PTGS2: variants seen among roughly 807,000 people sequenced by gnomAD.
PTGS2 encodes prostaglandin-endoperoxide synthase 2.
PTGS2 carries 14 observed loss-of-function variants against 63.8 expected under a neutral mutation model. That is an observed-to-expected ratio of 0.22 (90% CI 0.14 to 0.34). The LOEUF is 0.34. Ranked by LOEUF, PTGS2 falls within the 10% of genes least tolerant of loss-of-function variation. The pLI is 1.00. For missense variants in PTGS2, 533 were observed against 738.5 expected (o/e 0.72, Z 3.23); for synonymous variants, 271 against 259.5 (o/e 1.04, Z -0.43).
chr1:186,677,681 C>A lies in PTGS2; in HGVS notation c.607G>T (p.Gly203Trp). The change falls in exon 5 of 10, where the codon GGG becomes TGG. Residue 203 changes from glycine to tryptophan, a missense_variant. Physicochemically the swap from Gly to Trp is radical, Grantham distance 184 (BLOSUM62 -2). Coordinates refer to ENST00000367468, the MANE Select transcript of PTGS2 (RefSeq NM_000963.4). ...CCCAGCCCGTTGGTGAAAGCTGGCC[C>A]TCGCTTATGATCTGTCTTGAAAAAC... ...HQFFKTDHKR[G>W]PAFTNGLGHG... is the part of the protein sequence containing the mutation. 1.2e-6 allele frequency: 2 copies of A among 1,612,662 alleles called. No individual in the cohort carries two copies. Among genetic ancestry groups the A allele is most frequent in the Non-Finnish European group, 1.7e-6 (2 of 1,179,460 alleles).
At position 186,672,144 on chromosome 1, in the gene PTGS2, T is replaced by G. The variant is rs917496771; in HGVS notation, c.*2209A>C. The G allele has an allele frequency of 2.0e-5, 3 of 152,046 alleles. No homozygotes were observed. 9.4% of individuals were successfully genotyped at this position (152,046 alleles called of 1,614,324 possible). On this transcript the variant is annotated 3_prime_UTR_variant, in exon 10 of 10. Coordinates refer to ENST00000367468, the MANE Select transcript of PTGS2 (RefSeq NM_000963.4). ...TTTCTCCCTCTTCCCAAAAGAAAAT[T>G]TTTTTCAATTATTTATATAAATACT... is the stretch of plus-strand genomic sequence containing the variant.
At chr1:186,675,518 CT>C (rs1665764192) in intron 8 of PTGS2, 122 bp from the exon 9 acceptor site, 1 of 1,131,994 alleles carries the variant, frequency 8.8e-7, no homozygotes, top group Admixed American at 3.0e-5. Context: ...TTTTTATTTG[CT>C]GGAAAGATGC....
At position 186,672,911 on chromosome 1, in the gene PTGS2, ATCT is replaced by A. The variant is rs1339865532; in HGVS notation, c.*1439_*1441del. On this transcript the variant is annotated 3_prime_UTR_variant, in exon 10 of 10. Transcript: ENST00000367468. ...AAAGGGCCTTTTTTTTTCTCTTTTA[ATCT>A]TCTTAAGAGGAGCTAAATAGCAGTC... 4 of 151,974 alleles carry A rather than the reference ATCT, an allele frequency of 2.6e-5. No individual in the cohort carries two copies. Among genetic ancestry groups the A allele is most frequent in the Non-Finnish European group, 4.4e-5 (3 of 67,956 alleles). 9.4% of individuals were successfully genotyped at this position (151,974 alleles called of 1,614,324 possible). A position where few individuals can be genotyped will look rare whatever the true frequency, so the allele number is the denominator to read the frequency against.
In PTGS2 at chr1:186,678,922, T is replaced by C. The variant is rs1571812056; in HGVS notation, c.313+136A>G. The stretch of plus-strand genomic sequence containing the variant: ...ATGTCAATATTTTTGGCGATTAAGA[T>C]GGAAGGCAAACTTAAAAGCTATCTT... On this transcript the variant is annotated intron_variant, in intron 3 of 9. Coordinates refer to ENST00000367468, the MANE Select transcript of PTGS2 (RefSeq NM_000963.4). 6.2e-6 allele frequency: 7 copies of C among 1,135,292 alleles called. No homozygotes were observed. In the East Asian group the frequency reaches 1.5e-4, roughly 25 times the overall value. 70.3% of individuals were successfully genotyped at this position (1,135,292 alleles called of 1,614,324 possible).
chr1:186,678,167 T>C lies in PTGS2; in HGVS notation c.457+94A>G, dbSNP rs530566547. 1.3e-4 allele frequency: 165 copies of C among 1,294,398 alleles called. 1 individual carries two copies. In the African/African-American group the frequency reaches 2.4e-3, roughly 19 times the overall value. The allele number at this position is 1,294,398 out of a possible 1,614,324, so 80.2% of individuals were successfully genotyped here. On this transcript the variant is annotated intron_variant, in intron 4 of 9. Coordinates refer to ENST00000367468, the MANE Select transcript of PTGS2 (RefSeq NM_000963.4). ...TAAAAGTAAAAACTGCTTTTGTTAA[T>C]AAATAAATGGTAGTCTAAGGTCAAT... is the stretch of plus-strand genomic sequence containing the variant.
At chr1:186,678,511 ACTCC>A in intron 3 of PTGS2, 107 bp from the exon 4 acceptor site, 1 of 1,040,206 alleles carries the variant, frequency 9.6e-7, no homozygotes, top group Non-Finnish European at 1.3e-6. Flanking sequence ...GTTGAATGTA[ACTCC>A]AAAATAAAAA....
chr1:186,671,990 T>C lies in PTGS2; in HGVS notation c.*2363A>G, dbSNP rs985486279. The C allele has an allele frequency of 1.3e-5, 2 of 151,986 alleles. No homozygotes were observed. Among genetic ancestry groups the C allele is most frequent in the Admixed American group, 1.3e-4 (2 of 15,256 alleles). The allele number at this position is 151,986 out of a possible 1,614,324, so 9.4% of individuals were successfully genotyped here. On this transcript the variant is annotated 3_prime_UTR_variant, in exon 10 of 10. Transcript: ENST00000367468. Reference sequence around the variant, plus strand: ...AATGTTAATAACAAATCAAGTTTTTTTTTTAAAAAAAACAGTGAACAGTGT... The same window carrying C: ...AATGTTAATAACAAATCAAGTTTTTCTTTTAAAAAAAACAGTGAACAGTGT...
chr1:186,675,863 A>G (rs892835155), intron 8 of PTGS2, 35 bp downstream of exon 8: 5 of 1,560,750 alleles, frequency 3.2e-6, no homozygotes, highest in Non-Finnish European at 4.4e-6. Flanking sequence ...GTTACTGACT[A>G]GTCTTTTGTT....
chr1:186,678,391 C>A lies in PTGS2; in HGVS notation c.327G>T (p.Leu109Phe). The change falls in exon 4 of 10, where the codon TTG becomes TTT. Residue 109 changes from leucine to phenylalanine, a missense_variant. Physicochemically the swap from Leu to Phe is conservative, Grantham distance 22. Around this residue, in one of 5 missense-constraint regions of PTGS2, gnomAD observed 118 missense variants for 144.6 expected, o/e 0.82. Coordinates refer to ENST00000367468, the MANE Select transcript of PTGS2 (RefSeq NM_000963.4). The part of the protein sequence containing the change: ...MSYVLTSRSH[L>F]IDSPPTYNAD... The stretch of plus-strand genomic sequence containing the variant: ...CATTGTAAGTTGGTGGACTGTCAAT[C>A]AAATGTGATCTGGCTGAAATTTTCA... 6.3e-7 allele frequency: 1 copy of A among 1,597,138 alleles called. No homozygotes were observed. Among genetic ancestry groups the A allele is most frequent in the South Asian group, 1.1e-5 (1 of 87,512 alleles).
intron 4 of PTGS2, 76 bp downstream of exon 4, chr1:186,678,185 A>G: frequency 7.1e-7 from 1 of 1,407,644 alleles, no homozygotes; most frequent in Non-Finnish European, 9.5e-7. Flanking sequence ...TGGTAGTCTA[A>G]GGTCAATTTT....
intron 7 of PTGS2, 103 bp downstream of exon 7, chr1:186,676,364 G>T: frequency 6.8e-7 from 1 of 1,480,700 alleles, no homozygotes; most frequent in Non-Finnish European, 9.2e-7. Flanking sequence ...GAATGTGTGA[G>T]TTTTCATTTA....
rs1424833975 is a variant in PTGS2, at chr1:186,672,941, T to C, written c.*1412A>G. Reference sequence around the variant, plus strand: ...CTTAAGAGGAGCTAAATAGCAGTCCTGAGCTGAGGTTTACCTGAAAACTTG... The same window carrying C: ...CTTAAGAGGAGCTAAATAGCAGTCCCGAGCTGAGGTTTACCTGAAAACTTG... On this transcript the variant is annotated 3_prime_UTR_variant, in exon 10 of 10. Transcript: ENST00000367468. 1 of 152,106 alleles carries C rather than the reference T, an allele frequency of 6.6e-6. No homozygotes were observed. The highest frequency in any genetic ancestry group is 1.5e-5 in the Non-Finnish European group (1 of 68,000). The allele number at this position is 152,106 out of a possible 1,614,324, so 9.4% of individuals were successfully genotyped here. A position where few individuals can be genotyped will look rare whatever the true frequency, so the allele number is the denominator to read the frequency against.
At position 186,676,512 on chromosome 1, in the gene PTGS2, A is replaced by G; in HGVS notation, c.925T>C (p.Trp309Arg). The G allele has an allele frequency of 1.9e-6, 3 of 1,614,146 alleles. No homozygotes were observed. Among genetic ancestry groups the G allele is most frequent in the Non-Finnish European group, 1.7e-6 (2 of 1,180,022 alleles). Residue 309 changes from tryptophan to arginine, a missense_variant, in exon 7 of 10, where the codon TGG (tryptophan) becomes CGG (arginine). By Grantham distance (101) the Trp-to-Arg change is moderately radical (BLOSUM62 -3). Around this residue, in one of 5 missense-constraint regions of PTGS2, gnomAD observed 67 missense variants for 152.6 expected, o/e 0.44. Coordinates refer to ENST00000367468, the MANE Select transcript of PTGS2 (RefSeq NM_000963.4). ...CDVLKQEHPE[W>R]GDEQLFQTSR... ...GTCTGGAACAACTGCTCATCACCCCATTCAGGATGCTCCTGTTTAAGCACA... is the reference window on the plus strand; with the variant it reads ...GTCTGGAACAACTGCTCATCACCCCGTTCAGGATGCTCCTGTTTAAGCACA...
chr1:186,679,462 A>C lies in PTGS2; in HGVS notation c.53-24T>G, dbSNP rs774749725. On this transcript the variant is annotated intron_variant, in intron 1 of 9. Coordinates refer to ENST00000367468, the MANE Select transcript of PTGS2 (RefSeq NM_000963.4). ...TGCTGCAATTAAAGGACAGCAAATA[A>C]ATCATTCTCTAGTGTCTTAATCTTA... 4 of 1,502,706 alleles carry C rather than the reference A, an allele frequency of 2.7e-6. No homozygotes were observed. In the South Asian group the frequency reaches 3.4e-5, roughly 13 times the overall value. 93.1% of individuals were successfully genotyped at this position (1,502,706 alleles called of 1,614,324 possible).
At position 186,680,261 on chromosome 1, in the gene PTGS2, C is replaced by G; in HGVS notation, c.30G>C (p.Ala10=). 1 of 1,546,528 alleles carries G rather than the reference C, an allele frequency of 6.5e-7. No individual in the cohort carries two copies. Among genetic ancestry groups the G allele is most frequent in the Non-Finnish European group, 8.7e-7 (1 of 1,145,030 alleles). ...CACCTGTATGGCTGAGCGCCAGGAC[C>G]GCGCACAGCAGCAGGGCGCGGGCGA... MLARALLLC[A]VLALSHTANP... The change falls in exon 1 of 10, where the codon GCG becomes GCC. Residue 10 remains alanine, a synonymous_variant. Coordinates refer to ENST00000367468, the MANE Select transcript of PTGS2 (RefSeq NM_000963.4).
rs1294334329 is a variant in PTGS2 at position 186,676,911 on chromosome 1, G to A, written c.645C>T (p.Asp215=). 3.7e-6 allele frequency: 6 copies of A among 1,602,618 alleles called. No homozygotes were observed. In the South Asian group the frequency reaches 4.5e-5, roughly 12 times the overall value. ...GAGTTTCACCGTAAATATGATTTAAGTCCACCTAGAAAATGATGAAAAAAT... is the reference window on the plus strand; with the variant it reads ...GAGTTTCACCGTAAATATGATTTAAATCCACCTAGAAAATGATGAAAAAAT... The part of the protein sequence containing the change: ...AFTNGLGHGV[D]LNHIYGETLA... The change falls in exon 6 of 10, where the codon GAC becomes GAT. Residue 215 remains aspartate, a synonymous_variant. Transcript: ENST00000367468.
rs1161144852 is a variant in PTGS2 at position 186,674,088 on chromosome 1, A to C, written c.*265T>G. The C allele has an allele frequency of 1.1e-5, 2 of 185,100 alleles. No homozygotes were observed. Among genetic ancestry groups the C allele is most frequent in the African/African-American group, 4.7e-5 (2 of 42,480 alleles). The allele number at this position is 185,100 out of a possible 1,614,324, so 11.5% of individuals were successfully genotyped here. A position where few individuals can be genotyped will look rare whatever the true frequency, so the allele number is the denominator to read the frequency against. On this transcript the variant is annotated 3_prime_UTR_variant, in exon 10 of 10. Transcript: ENST00000367468. ...TTTCGTTCTTATAATATAAGTTGAA[A>C]TTCAAGTAAAAAGACGTCAAAACTC...
At position 186,678,353 on chromosome 1, in the gene PTGS2, T is replaced by C; in HGVS notation, c.365A>G (p.Tyr122Cys). 1 of 1,613,686 alleles carries C rather than the reference T, an allele frequency of 6.2e-7. No homozygotes were observed. The highest frequency in any genetic ancestry group is 8.5e-7 in the Non-Finnish European group (1 of 1,179,696). ...SPPTYNADYG[Y>C]KSWEAFSNLS... Reference sequence around the variant, plus strand: ...GTTAGAGAAGGCTTCCCAGCTTTTGTAGCCATAGTCAGCATTGTAAGTTGG... The same window carrying C: ...GTTAGAGAAGGCTTCCCAGCTTTTGCAGCCATAGTCAGCATTGTAAGTTGG... The change falls in exon 4 of 10, where the codon TAC becomes TGC. Residue 122 changes from tyrosine to cysteine, a missense_variant. By Grantham distance (194) the Tyr-to-Cys change is radical. Transcript: ENST00000367468.
Position 186,672,076 on chromosome 1 carries a change from AAAG to A in PTGS2, c.*2274_*2276del, listed in dbSNP as rs1665698151. ...TTAAACATTCTAAACGTAAAATTGTAAAGAAGATTCTCCTGAGTTATCTTTAAT... is the reference window on the plus strand; with the variant it reads ...TTAAACATTCTAAACGTAAAATTGTAAAGATTCTCCTGAGTTATCTTTAAT... On this transcript the variant is annotated 3_prime_UTR_variant, in exon 10 of 10. Transcript: ENST00000367468. 1 of 152,076 alleles carries A rather than the reference AAAG, an allele frequency of 6.6e-6. No homozygotes were observed. Among genetic ancestry groups the A allele is most frequent in the African/African-American group, 2.4e-5 (1 of 41,456 alleles). 9.4% of individuals were successfully genotyped at this position (152,076 alleles called of 1,614,324 possible). A position where few individuals can be genotyped will look rare whatever the true frequency, so the allele number is the denominator to read the frequency against.
Sources: gnomAD v4.1 joint callset for allele counts on GRCh38, gnomAD v4.1.1 for gene constraint, gnomAD v4.1.1 regional missense constraint, MANE v1.5 for transcripts, NCBI Gene and HGNC (gene_info 2026-07-23, HGNC 2026-07-21) for gene names.